STAB1: variants seen among roughly 807,000 people sequenced by gnomAD.
The protein encoded by STAB1 is stabilin-1.
A neutral mutation model predicts 332.4 loss-of-function variants in STAB1; 250 were observed. The observed-to-expected ratio is 0.75, with a 90% CI of 0.68 to 0.84. The LOEUF is 0.84. Among genes scored for constraint, STAB1 ranks in the 40% least tolerant of loss-of-function variants. The probability of loss-of-function intolerance (pLI) is 0.00; values close to 1 mark genes in which losing one functional copy is unlikely to be tolerated. For missense variants in STAB1, 3,249 were observed against 3,489.7 expected, an observed-to-expected ratio of 0.93 and a Z score of 1.74; for synonymous variants, 1,475 against 1,390.4, an observed-to-expected ratio of 1.06 and a Z score of -1.35.
At chr3:52,518,937 G>A in intron 48 of STAB1, 68 bp downstream of exon 48, 1 of 465,748 alleles carries the variant, frequency 2.1e-6, no homozygotes, top group South Asian at 2.0e-5. Context: ...CATTGCCCCA[G>A]GCCCCACGGC....
chr3:52,501,016 A>T, intron 1 of STAB1, 150 bp from the exon 2 acceptor site: 1 of 1,148,942 alleles, frequency 8.7e-7, no homozygotes, highest in Non-Finnish European at 1.2e-6. Context: ...CAAAGAACTC[A>T]GCTCTGTGCC....
In STAB1 at chr3:52,513,808, A is replaced by G. The variant is rs1429256277; in HGVS notation, c.3348+14A>G. The G allele has an allele frequency of 3.7e-6, 6 of 1,613,172 alleles. No individual in the cohort carries two copies. Among genetic ancestry groups the G allele is most frequent in the Non-Finnish European group, 5.1e-6 (6 of 1,179,992 alleles). ...ATCCTCAGCCAGGTACAGCAGGAGG[A>G]GGGTGTGTGCAGGGAAACTTGCAGG... On this transcript the variant is annotated intron_variant, in intron 31 of 68. Coordinates refer to ENST00000321725, the MANE Select transcript of STAB1 (RefSeq NM_015136.3).
rs766911664 is a variant in STAB1, at chr3:52,521,611, T to C, written c.6074T>C (p.Val2025Ala). ...GPHCQACRCT[V>A]HGRCDEGLGG... ...CTCTCCCCAGCCTGCCGCTGCACTG[T>C]GCATGGCCGCTGTGATGAGGGCCTT... is the stretch of plus-strand genomic sequence containing the variant. Residue 2025 changes from valine (V) to alanine (A), a missense_variant, in exon 57 of 69, where the codon GTG becomes GCG. Val to Ala is a moderately conservative substitution (Grantham distance 64). Coordinates refer to ENST00000321725, the MANE Select transcript of STAB1 (RefSeq NM_015136.3). 5.0e-6 allele frequency: 8 copies of C among 1,613,002 alleles called. No homozygotes were observed. The highest frequency in any genetic ancestry group is 6.8e-6 in the Non-Finnish European group (8 of 1,179,866).
Position 52,504,465 on chromosome 3 carries a change from G to C in STAB1, c.1155G>C (p.Gln385His). 1 of 1,613,904 alleles carries C rather than the reference G, an allele frequency of 6.2e-7. No homozygotes were observed. The highest frequency in any genetic ancestry group is 8.5e-7 in the Non-Finnish European group (1 of 1,179,980). Residue 385 changes from glutamine (Q) to histidine (H), a missense_variant, in exon 11 of 69, where the codon CAG (glutamine) becomes CAC (histidine). Physicochemically the swap from Gln to His is conservative, Grantham distance 24. Coordinates refer to ENST00000321725, the MANE Select transcript of STAB1 (RefSeq NM_015136.3). ...CTCCCTCACCCTGCCCCCCAGACCA[G>C]GGCTGCCGGGAAATCCTTACCACAG... Reference protein sequence around the residue: ...QLRVAVAMMDQGCREILTTAG... With the variant: ...QLRVAVAMMDHGCREILTTAG...
In STAB1 at chr3:52,512,875, G is replaced by A. The variant is rs760651945; in HGVS notation, c.3075G>A (p.Val1025=). The change falls in exon 29 of 69, where the codon GTG becomes GTA. Residue 1025 remains valine (V), a synonymous_variant. Coordinates refer to ENST00000321725, the MANE Select transcript of STAB1 (RefSeq NM_015136.3). ...LPADRRVTAL[V]PSEAAVRQLS... is the part of the protein sequence containing the mutation. The stretch of plus-strand genomic sequence containing the variant: ...CCGACCGCCGAGTCACAGCCCTGGT[G>A]CCCTCCGAGGCTGCAGTCCGTCAGC... The A allele has an allele frequency of 1.2e-6, 2 of 1,611,610 alleles. No individual in the cohort carries two copies. Among genetic ancestry groups the A allele is most frequent in the Non-Finnish European group, 1.7e-6 (2 of 1,179,900 alleles).
At position 52,523,724 on chromosome 3, in the gene STAB1, C is replaced by T. The variant is rs1575376794; in HGVS notation, c.7363C>T (p.Leu2455=). 6.2e-7 allele frequency: 1 copy of T among 1,601,186 alleles called. No individual in the cohort carries two copies. The highest frequency in any genetic ancestry group is 1.7e-5 in the Admixed American group (1 of 59,830). The change falls in exon 66 of 69, where the codon CTG becomes TTG. Residue 2455 remains leucine, a synonymous_variant. Transcript: ENST00000321725. ...IMAFNGIIHA[L]ASPLLAPPQP... is the part of the protein sequence containing the mutation. The stretch of plus-strand genomic sequence containing the variant: ...GGCCTTCAATGGCATCATCCATGCT[C>T]TGGCCAGCCCCCTCCTGGCACCCCC...
rs201993365 is a variant in STAB1 at position 52,504,720 on chromosome 3, C to T, written c.1240-19C>T. 288 of 1,613,562 alleles carry T rather than the reference C, an allele frequency of 1.8e-4. No individual in the cohort carries two copies. The African/African-American group carries it at 3.1e-3, about 18-fold the overall frequency. Reference sequence around the variant, plus strand: ...GACTGGCCCCCCGGCTCACTTTGCTCCCCGCCTTGCGTCTGCAGGCATCCC... The same window carrying T: ...GACTGGCCCCCCGGCTCACTTTGCTTCCCGCCTTGCGTCTGCAGGCATCCC... On this transcript the variant is annotated intron_variant, in intron 11 of 68. Transcript: ENST00000321725.
rs551442758 is a variant in STAB1, at chr3:52,521,667, G to A, written c.6130G>A (p.Gly2044Ser). 2.7e-5 allele frequency: 44 copies of A among 1,613,058 alleles called. No individual in the cohort carries two copies. The Admixed American group carries it at 3.7e-4, about 13-fold the overall frequency. Residue 2044 changes from glycine to serine, a missense_variant, in exon 57 of 69, where the codon GGC becomes AGC. Coordinates refer to ENST00000321725, the MANE Select transcript of STAB1 (RefSeq NM_015136.3). Reference protein sequence around the residue: ...GGSGSCFCDEGWTGPRCEVQL... With the variant: ...GGSGSCFCDESWTGPRCEVQL... The stretch of plus-strand genomic sequence containing the variant: ...CTCTGGCTCCTGCTTCTGTGATGAA[G>A]GCTGGACTGGGCCACGCTGTGAGGT...
In STAB1 at chr3:52,521,356, C is replaced by T. The variant is rs772926702; in HGVS notation, c.5909-5C>T. The stretch of plus-strand genomic sequence containing the variant: ...CCCACCTCACTTCTCCTACCCCATC[C>T]CCAGCTTGCCCTGGCGGCCCCAGCA... On this transcript the variant is annotated splice_polypyrimidine_tract_variant and splice_region_variant and intron_variant, in intron 55 of 68. Transcript: ENST00000321725. 1 of 1,613,688 alleles carries T rather than the reference C, an allele frequency of 6.2e-7. No individual in the cohort carries two copies. The highest frequency in any genetic ancestry group is 8.5e-7 in the Non-Finnish European group (1 of 1,180,002).
intron 21 of STAB1, among the ~76,000 whole-genome samples, chr3:52,508,851 A>AATAG (rs1553671291): frequency 1.2e-5 from 1 of 81,794 alleles, no homozygotes; most frequent in Non-Finnish European, 2.7e-5. Context: ...TAATAATAAT[A>AATAG]ATAGATAGAT....
chr3:52,514,333 G>A (rs753194811), intron 33 of STAB1, 32 bp from the exon 34 acceptor site: 75 of 1,556,416 alleles, frequency 4.8e-5, no homozygotes, highest in Non-Finnish European at 5.8e-5. Flanking sequence ...TGGTTATCCT[G>A]CAGTCCCCTG....
rs140050809 is a variant in STAB1, at chr3:52,512,387, C to A, written c.2930C>A (p.Pro977His). ...GGAGGTCAGCGGGTCTGCACGTGCC[C>A]CCCTGGCTTTGGGGGTGATGGCTTC... ...VGGGQRVCTC[P>H]PGFGGDGFSC... Residue 977 changes from proline (P) to histidine (H), a missense_variant, in exon 27 of 69, where the codon CCC (proline) becomes CAC (histidine). Transcript: ENST00000321725. 4.7e-4 allele frequency: 753 copies of A among 1,610,946 alleles called. 6 individuals carry two copies. The South Asian group carries it at 4.9e-3, about 11-fold the overall frequency.
At chr3:52,501,913 G>C in intron 3 of STAB1, 93 bp from the exon 4 acceptor site, 1 of 1,517,052 alleles carries the variant, frequency 6.6e-7, no homozygotes, top group East Asian at 2.3e-5. Context: ...GCTTCCTTGG[G>C]GGAGGGGCCG....
chr3:52,509,405 C>T (rs1450414021), intron 22 of STAB1, 84 bp downstream of exon 22: 11 of 1,234,296 alleles, frequency 8.9e-6, no homozygotes, highest in South Asian at 5.5e-5. Flanking sequence ...AGAAGGGAAA[C>T]GAAGCCCCAG....
Position 52,509,914 on chromosome 3 carries a change from G to A in STAB1, c.2392G>A (p.Gly798Arg), listed in dbSNP as rs762026470. 11 of 1,612,802 alleles carry A rather than the reference G, an allele frequency of 6.8e-6. No homozygotes were observed. In the South Asian group the frequency reaches 8.8e-5, roughly 13 times the overall value. Reference sequence around the variant, plus strand: ...TCTCTGCGACAACCGCCCAGGCAGTGGGGGGGTGTGCCAGCAGGGCACGTG... The same window carrying A: ...TCTCTGCGACAACCGCCCAGGCAGTAGGGGGGTGTGCCAGCAGGGCACGTG... Reference protein sequence around the residue: ...HGLCDNRPGSGGVCQQGTCAP... With the variant: ...HGLCDNRPGSRGVCQQGTCAP... Residue 798 changes from glycine (G) to arginine (R), a missense_variant, in exon 23 of 69, where the codon GGG becomes AGG. Coordinates refer to ENST00000321725, the MANE Select transcript of STAB1 (RefSeq NM_015136.3).
At chr3:52,503,165 G>T (rs1465464484) in intron 7 of STAB1, 56 bp downstream of exon 7, 4 of 1,517,770 alleles carry the variant, frequency 2.6e-6, no homozygotes, top group South Asian at 1.2e-5. Context: ...GGGGCTGGGA[G>T]AGCATCCTTT....
At position 52,510,197 on chromosome 3, in the gene STAB1, C is replaced by A; in HGVS notation, c.2590C>A (p.Pro864Thr). Residue 864 changes from proline (P) to threonine (T), a missense_variant, in exon 24 of 69, where the codon CCC (proline) becomes ACC (threonine). Coordinates refer to ENST00000321725, the MANE Select transcript of STAB1 (RefSeq NM_015136.3). ...GDGFSCTPSN[P>T]CSHPDRGGCS... ...TGGCTTCTCCTGCACACCTAGCAAC[C>A]CCTGCTCCCACCCGGACCGTGGAGG... The A allele has an allele frequency of 6.2e-7, 1 of 1,614,060 alleles. No individual in the cohort carries two copies. Among genetic ancestry groups the A allele is most frequent in the Non-Finnish European group, 8.5e-7 (1 of 1,180,036 alleles).
At chr3:52,517,519 C>T (rs1182387329) in intron 43 of STAB1, 31 bp from the exon 44 acceptor site, 7 of 1,608,930 alleles carry the variant, frequency 4.4e-6, no homozygotes, top group Non-Finnish European at 5.9e-6. Context: ...TGTTGGCTCC[C>T]AGCAGCCCCA....
intron 12 of STAB1, 43 bp from the exon 13 acceptor site, chr3:52,504,960 G>A: frequency 6.2e-7 from 1 of 1,612,644 alleles, no homozygotes; most frequent in Non-Finnish European, 8.5e-7. Flanking sequence ...CCGGACAGGG[G>A]GCTGGCATAT....
Sources: allele counts gnomAD v4.1 joint callset (sites outside exome capture counted in the v4.1 genomes callset), GRCh38; gene constraint gnomAD v4.1.1; transcripts MANE v1.5; gene names NCBI Gene and HGNC (gene_info 2026-07-23, HGNC 2026-07-21).